GRSF1: variants seen among roughly 807,000 people sequenced by gnomAD.
The protein encoded by GRSF1 is G-rich sequence factor 1.
A neutral mutation model predicts 51.1 loss-of-function variants in GRSF1; 50 were observed. The ratio of observed to expected loss-of-function variants is 0.98; its 90% CI spans 0.78 to 1.24. The LOEUF (loss-of-function observed/expected upper bound fraction) is 1.24. GRSF1 is among the 50% of genes most tolerant of loss of function. The pLI is 0.00. For synonymous variants in GRSF1, 293 were observed against 253.3 expected (o/e 1.16, Z -1.49); for missense variants, 700 against 639.7 (o/e 1.09, Z -1.02).
rs1371770721 is a variant in GRSF1 at position 70,833,174 on chromosome 4, T to C, written c.614A>G (p.Asp205Gly). ...DALIEMESEQ[D>G]VQKALEKHRM... Reference sequence around the variant, plus strand: ...GTGCTTCTCTAAGGCTTTCTGCACATCCTGCTCTGACTCCATTTCAATTAA... The same window carrying C: ...GTGCTTCTCTAAGGCTTTCTGCACACCCTGCTCTGACTCCATTTCAATTAA... The change falls in exon 3 of 10, where the codon GAT becomes GGT. Residue 205 changes from aspartate (D) to glycine (G), a missense_variant. Physicochemically the swap from Asp to Gly is moderately conservative, Grantham distance 94 (BLOSUM62 -1). Transcript: ENST00000254799. 2.5e-6 allele frequency: 4 copies of C among 1,613,942 alleles called. No individual in the cohort carries two copies.
At chr4:70,839,225 T>G in intron 1 of GRSF1, 1 of 1,449,496 alleles carries the variant, frequency 6.9e-7, no homozygotes, top group Non-Finnish European at 9.2e-7. Context: ...CAGCCACACT[T>G]ACACTGCCCA....
chr4:70,842,213 G>T (rs762369965), upstream of GRSF1, among the ~76,000 whole-genome samples: 12 of 152,226 alleles, frequency 7.9e-5, no homozygotes, highest in Non-Finnish European at 1.5e-4. Context: ...TGGATACCTG[G>T]AAAGGGGCCA....
chr4:70,817,045 A>G lies in GRSF1; in HGVS notation c.*3842T>C, dbSNP rs1733340742. On this transcript the variant is annotated 3_prime_UTR_variant, in exon 10 of 10. Transcript: ENST00000254799. ...CACCCACTAACACTTGCTTATAAAT[A>G]AAGTAAAAGTCACTGCAAGCTTACA... 1 of 152,228 alleles carries G rather than the reference A, an allele frequency of 6.6e-6. No homozygotes were observed. Among genetic ancestry groups the G allele is most frequent in the South Asian group, 2.1e-4 (1 of 4,836 alleles). 9.4% of individuals were successfully genotyped at this position (152,228 alleles called of 1,614,324 possible).
At position 70,819,575 on chromosome 4, in the gene GRSF1, T is replaced by C. The variant is rs1733429517; in HGVS notation, c.*1312A>G. 1 of 152,494 alleles carries C rather than the reference T, an allele frequency of 6.6e-6. No individual in the cohort carries two copies. The highest frequency in any genetic ancestry group is 2.1e-4 in the South Asian group (1 of 4,838). The allele number at this position is 152,494 out of a possible 1,614,324, so 9.4% of individuals were successfully genotyped here. On this transcript the variant is annotated 3_prime_UTR_variant, in exon 10 of 10. Transcript: ENST00000254799. The stretch of plus-strand genomic sequence containing the variant: ...TCATTTATTGACTACAGTACAGTGA[T>C]TTCGCATCTTAGCTGGTAATCAAAG...
At position 70,818,532 on chromosome 4, in the gene GRSF1, A is replaced by G. The variant is rs1423991017; in HGVS notation, c.*2355T>C. On this transcript the variant is annotated 3_prime_UTR_variant, in exon 10 of 10. Coordinates refer to ENST00000254799, the MANE Select transcript of GRSF1 (RefSeq NM_002092.4). Reference sequence around the variant, plus strand: ...TCGGTCCCCCTTCCCACATGACAGAAGCTTAAGTTACCCACGCATAAAGGG... The same window carrying G: ...TCGGTCCCCCTTCCCACATGACAGAGGCTTAAGTTACCCACGCATAAAGGG... 6.6e-6 allele frequency: 1 copy of G among 152,174 alleles called. No individual in the cohort carries two copies. The highest frequency in any genetic ancestry group is 2.4e-5 in the African/African-American group (1 of 41,444). The allele number at this position is 152,174 out of a possible 1,614,324, so 9.4% of individuals were successfully genotyped here.
At chr4:70,842,762 A>G (rs1357410189), upstream of GRSF1, among the ~76,000 whole-genome samples, 4 of 152,214 alleles carry the variant, frequency 2.6e-5, no homozygotes, top group Non-Finnish European at 4.4e-5. Flanking sequence ...TCTATAACAT[A>G]AAAATCTGAA....
chr4:70,833,661 A>G (rs1734073538), intron 2 of GRSF1, among the ~76,000 whole-genome samples: 1 of 152,188 alleles, frequency 6.6e-6, no homozygotes, highest in Non-Finnish European at 1.5e-5. Flanking sequence ...TATTTCCTGT[A>G]TGAGTAATTT....
chr4:70,827,820 C>T, intron 6 of GRSF1, 32 bp downstream of exon 6: 2 of 1,474,500 alleles, frequency 1.4e-6, no homozygotes, highest in Non-Finnish European at 1.9e-6. Context: ...CAAGATAGAC[C>T]CAATGAGTCT....
upstream of GRSF1, among the ~76,000 whole-genome samples, chr4:70,840,427 A>G (rs1734423790): frequency 1.3e-5 from 2 of 152,142 alleles, no homozygotes; most frequent in Admixed American, 1.3e-4. Flanking sequence ...GGAGTTCGAG[A>G]CCAACCTAGG....
At chr4:70,836,761 C>T (rs1471980992) in intron 1 of GRSF1, among the ~76,000 whole-genome samples, 1 of 151,942 alleles carries the variant, frequency 6.6e-6, no homozygotes, top group Non-Finnish European at 1.5e-5. Flanking sequence ...CAAATCAGAG[C>T]ACTAACAGAT....
At chr4:70,835,841 G>C (rs971941748) in intron 2 of GRSF1, among the ~76,000 whole-genome samples, 1 of 152,108 alleles carries the variant, frequency 6.6e-6, no homozygotes, top group African/African-American at 2.4e-5. Flanking sequence ...GTGTGGTATG[G>C]AACTACTGGC....
chr4:70,837,564 A>AG (rs11453966), intron 1 of GRSF1, among the ~76,000 whole-genome samples: 1 of 2,232 alleles, frequency 4.5e-4, no homozygotes, highest in Non-Finnish European at 1.8e-3. Context: ...ACTCCGTCTC[A>AG]AAAAAAAAAA....
upstream of GRSF1, among the ~76,000 whole-genome samples, chr4:70,840,675 A>G (rs1257645831): frequency 6.6e-6 from 1 of 152,168 alleles, no homozygotes; most frequent in Non-Finnish European, 1.5e-5. Context: ...AGGCAGGAGA[A>G]TCGCTTGAAC....
At position 70,833,242 on chromosome 4, in the gene GRSF1, T is replaced by C. The variant is rs1734059444; in HGVS notation, c.546A>G (p.Ile182Met). 6.2e-7 allele frequency: 1 copy of C among 1,613,864 alleles called. No individual in the cohort carries two copies. Reference sequence around the variant, plus strand: ...TCCCATCTCTGTTTAGGAGAAAATGTATTCCATTCTCACCGTTGCGGATTC... The same window carrying C: ...TCCCATCTCTGTTTAGGAGAAAATGCATTCCATTCTCACCGTTGCGGATTC... ...DCRIRNGENG[I>M]HFLLNRDGKR... is the part of the protein sequence containing the mutation. Residue 182 changes from isoleucine to methionine, a missense_variant, in exon 3 of 10, where the codon ATA becomes ATG. Coordinates refer to ENST00000254799, the MANE Select transcript of GRSF1 (RefSeq NM_002092.4).
At chr4:70,822,882 G>A (rs942065663) in intron 9 of GRSF1, among the ~76,000 whole-genome samples, 1 of 152,102 alleles carries the variant, frequency 6.6e-6, no homozygotes, top group African/African-American at 2.4e-5. Flanking sequence ...CTTGAGGCCA[G>A]GAGTTAGTTC....
At chr4:70,825,117 A>C (rs1733683631) in intron 8 of GRSF1, among the ~76,000 whole-genome samples, 179 bp downstream of exon 8, 1 of 152,314 alleles carries the variant, frequency 6.6e-6, no homozygotes, top group Middle Eastern at 3.4e-3. Flanking sequence ...TTGCAGGATA[A>C]TTAGCAGACA....
rs186996263 is a variant in GRSF1 at position 70,822,482 on chromosome 4, C to T, written c.*26-1621G>A. Among the ~76,000 whole-genome samples, 11 of 151,264 alleles carry T rather than the reference C, an allele frequency of 7.3e-5. No homozygotes were observed. In the East Asian group the frequency reaches 2.1e-3, roughly 29 times the overall value. On this transcript the variant is annotated intron_variant, in intron 9 of 9. Coordinates refer to ENST00000254799, the MANE Select transcript of GRSF1 (RefSeq NM_002092.4). ...CCTGTAATCCTAGCTACTTGGGAGG[C>T]TGAGGCAGAAGAATCACTTGAACCC...
intron 9 of GRSF1, among the ~76,000 whole-genome samples, chr4:70,823,595 C>G: frequency 6.6e-6 from 1 of 151,258 alleles, no homozygotes; most frequent in South Asian, 2.1e-4. Flanking sequence ...TGGTGCCAGG[C>G]GGGGTGGCTC....
At chr4:70,837,540 G>A (rs1332806397) in intron 1 of GRSF1, among the ~76,000 whole-genome samples, 2 of 130,026 alleles carry the variant, frequency 1.5e-5, no homozygotes, top group African/African-American at 5.9e-5. Context: ...CTCCAGCATG[G>A]GCAACAGAGC....
Sources: gnomAD v4.1 joint callset for allele counts (sites outside exome capture counted in the v4.1 genomes callset) on GRCh38, gnomAD v4.1.1 for gene constraint, MANE v1.5 for transcripts, NCBI Gene and HGNC (gene_info 2026-07-23, HGNC 2026-07-21) for gene names.